Variants in PLCB1 observed in about 807,000 individuals in gnomAD.
The protein encoded by PLCB1 is 1-phosphatidylinositol 4,5-bisphosphate phosphodiesterase beta-1.
PLCB1 carries 46 observed loss-of-function variants against 161.8 expected under a neutral mutation model. That is an observed-to-expected ratio of 0.28 (90% CI 0.22 to 0.36). PLCB1 has a LOEUF of 0.36. Among genes scored for constraint, PLCB1 ranks in the 10% least tolerant of loss-of-function variants. The probability of loss-of-function intolerance (pLI) is 1.00; values close to 1 mark genes in which losing one functional copy is unlikely to be tolerated. For missense variants in PLCB1, 1,016 were observed against 1,472.5 expected (o/e 0.69, Z 5.07); for synonymous variants, 517 against 503.7 (o/e 1.03, Z -0.35).
chr20:8,612,375 G>C (rs1309304594), intron 3 of PLCB1, among the ~76,000 whole-genome samples: 1 of 152,130 alleles, frequency 6.6e-6, no homozygotes. Context: ...CCACAAGTCA[G>C]CTTTGAAGAA....
At chr20:8,747,687 G>T (rs935796596) in intron 23 of PLCB1, among the ~76,000 whole-genome samples, 1 of 152,104 alleles carries the variant, frequency 6.6e-6, no homozygotes, top group South Asian at 2.1e-4. Context: ...CAGGAGAATC[G>T]CCTGAGTCTA....
chr20:8,766,536 T>A (rs1164671673), intron 26 of PLCB1, among the ~76,000 whole-genome samples: 3 of 151,298 alleles, frequency 2.0e-5, no homozygotes, highest in Non-Finnish European at 4.4e-5. Context: ...ATGAGAGGAG[T>A]GAAACAGGAT....
chr20:8,546,794 CA>C (rs201816512), intron 3 of PLCB1, among the ~76,000 whole-genome samples: 4,819 of 117,012 alleles, frequency 0.041, 247 homozygotes, highest in East Asian at 0.29. Flanking sequence ...ACCCTCTTGA[CA>C]AAAAAAAAAA....
intron 3 of PLCB1, among the ~76,000 whole-genome samples, chr20:8,542,121 C>T (rs1248569593): frequency 2.6e-5 from 4 of 152,168 alleles, no homozygotes; most frequent in Admixed American, 6.5e-5. Flanking sequence ...CAAGGCTATG[C>T]TTTGTCTAAA....
chr20:8,519,737 C>T (rs537391825), intron 3 of PLCB1, among the ~76,000 whole-genome samples: 1 of 152,254 alleles, frequency 6.6e-6, no homozygotes, highest in African/African-American at 2.4e-5. Flanking sequence ...TTCCTTCTCT[C>T]CCCAAAATTC....
At chr20:8,619,274 C>T (rs1217408308) in intron 3 of PLCB1, among the ~76,000 whole-genome samples, 3 of 151,992 alleles carry the variant, frequency 2.0e-5, no homozygotes, top group African/African-American at 7.2e-5. Context: ...CAAAAATTAG[C>T]CGGGCGTGGT....
At chr20:8,849,474 G>A (rs184355910) in intron 31 of PLCB1, among the ~76,000 whole-genome samples, 134 of 151,968 alleles carry the variant, frequency 8.8e-4, no homozygotes, top group Admixed American at 2.8e-3. Flanking sequence ...TCAGGAGTTC[G>A]AGACTAGCCT....
intron 12 of PLCB1, among the ~76,000 whole-genome samples, chr20:8,714,003 A>T (rs1979162615): frequency 6.6e-6 from 1 of 152,078 alleles, no homozygotes; most frequent in Non-Finnish European, 1.5e-5. Flanking sequence ...ATTCAGGTAA[A>T]ATGCCCTGCT....
At chr20:8,463,183 C>CTGTGTA (rs1981665428) in intron 3 of PLCB1, among the ~76,000 whole-genome samples, 1 of 98,526 alleles carries the variant, frequency 1.0e-5, no homozygotes, top group East Asian at 3.7e-4. Context: ...GTGTGTGTGT[C>CTGTGTA]TGTGTATGTG....
chr20:8,177,206 C>T (rs1375180695), intron 2 of PLCB1, among the ~76,000 whole-genome samples: 1 of 152,046 alleles, frequency 6.6e-6, no homozygotes, highest in African/African-American at 2.4e-5. Context: ...GAGAGCTCTG[C>T]CCTCATGAAT....
intron 31 of PLCB1, among the ~76,000 whole-genome samples, chr20:8,868,592 G>A (rs946396666): frequency 2.6e-5 from 4 of 152,138 alleles, no homozygotes; most frequent in African/African-American, 9.7e-5. Flanking sequence ...TGGAATGGTG[G>A]GGATGGAGCC....
intron 3 of PLCB1, among the ~76,000 whole-genome samples, chr20:8,383,216 C>A (rs770829017): frequency 9.8e-5 from 15 of 152,302 alleles, no homozygotes; most frequent in Non-Finnish European, 1.6e-4. Flanking sequence ...AACCTGGATG[C>A]TCCTGTATTG....
At chr20:8,324,241 A>G (rs1251170884) in intron 2 of PLCB1, among the ~76,000 whole-genome samples, 2 of 143,662 alleles carry the variant, frequency 1.4e-5, no homozygotes, top group African/African-American at 5.3e-5. Context: ...TGTGTGTGTG[A>G]AACTACGTGA....
At chr20:8,578,714 G>A (rs189993022) in intron 3 of PLCB1, among the ~76,000 whole-genome samples, 4 of 152,108 alleles carry the variant, frequency 2.6e-5, no homozygotes, top group Admixed American at 6.5e-5. Flanking sequence ...ATTACCATTC[G>A]GGGTCATTAC....
intron 2 of PLCB1, among the ~76,000 whole-genome samples, chr20:8,162,759 G>A (rs921307446): frequency 3.3e-5 from 5 of 152,174 alleles, no homozygotes; most frequent in Admixed American, 3.3e-4. Context: ...AAGTTTTATG[G>A]GACAGAGCTA....
At chr20:8,649,220 T>C (rs1308530949) in intron 6 of PLCB1, among the ~76,000 whole-genome samples, 154 bp from the exon 7 acceptor site, 2 of 152,212 alleles carry the variant, frequency 1.3e-5, no homozygotes, top group Admixed American at 6.5e-5. Context: ...AGAAGACAGA[T>C]GCAAATGCAT....
chr20:8,193,721 A>G (rs2051994572), intron 2 of PLCB1, among the ~76,000 whole-genome samples: 1 of 152,018 alleles, frequency 6.6e-6, no homozygotes, highest in South Asian at 2.1e-4. Flanking sequence ...AATGGCAAGG[A>G]CTGCTAATTT....
At chr20:8,193,710 G>T (rs2051994377) in intron 2 of PLCB1, among the ~76,000 whole-genome samples, 1 of 151,938 alleles carries the variant, frequency 6.6e-6, no homozygotes, top group Admixed American at 6.6e-5. Flanking sequence ...GTTCTTATAA[G>T]AATGGCAAGG....
intron 3 of PLCB1, among the ~76,000 whole-genome samples, chr20:8,411,621 C>T (rs1316289859): frequency 6.6e-6 from 1 of 152,130 alleles, no homozygotes; most frequent in Non-Finnish European, 1.5e-5. Flanking sequence ...TCCTGCATTC[C>T]ATTTGTGTAA....
Sources: allele counts gnomAD v4.1 joint callset (sites outside exome capture counted in the v4.1 genomes callset), GRCh38; gene constraint gnomAD v4.1.1; transcripts MANE v1.5; gene names NCBI Gene and HGNC (gene_info 2026-07-23, HGNC 2026-07-21).